STXBP6: variants seen among roughly 807,000 people sequenced by gnomAD.
The protein encoded by STXBP6 is syntaxin-binding protein 6.
In STXBP6, 21 loss-of-function variants were observed where a neutral mutation model predicts 26.9. The ratio of observed to expected loss-of-function variants is 0.78; its 90% confidence interval spans 0.55 to 1.12. The LOEUF is 1.12. STXBP6 is among the 50% of genes most tolerant of loss of function. The pLI is 0.00. For missense variants in STXBP6, 232 were observed against 257.9 expected (o/e 0.90, Z 0.69); for synonymous variants, 97 against 92.6 (o/e 1.05, Z -0.27).
chr14:24,934,761 AT>A (rs1225598775), intron 2 of STXBP6, among the ~76,000 whole-genome samples: 1 of 152,168 alleles, frequency 6.6e-6, no homozygotes, highest in Non-Finnish European at 1.5e-5. Flanking sequence ...AGGAGGAAAA[AT>A]AAGAAGTATA....
chr14:24,814,947 G>C (rs1357616609), intron 5 of STXBP6, among the ~76,000 whole-genome samples: 2 of 152,000 alleles, frequency 1.3e-5, no homozygotes, highest in African/African-American at 4.8e-5. Context: ...AGAATTGTGA[G>C]AAATAAATTT....
At chr14:24,827,733 C>T (rs1166288484) in intron 4 of STXBP6, among the ~76,000 whole-genome samples, 1 of 152,152 alleles carries the variant, frequency 6.6e-6, no homozygotes, top group Admixed American at 6.6e-5. Flanking sequence ...AGTACCTGAT[C>T]ATGCCACTTT....
At chr14:24,895,315 C>G (rs1566453112) in intron 2 of STXBP6, among the ~76,000 whole-genome samples, 1 of 152,132 alleles carries the variant, frequency 6.6e-6, no homozygotes, top group African/African-American at 2.4e-5. Context: ...ACTGTTTATC[C>G]CTGCCTAATT....
intron 4 of STXBP6, among the ~76,000 whole-genome samples, chr14:24,828,216 C>T (rs971974823): frequency 2.6e-5 from 4 of 152,036 alleles, no homozygotes; most frequent in African/African-American, 9.7e-5. Context: ...AAGGATACCT[C>T]TAAAGATGAC....
intron 2 of STXBP6, among the ~76,000 whole-genome samples, chr14:24,870,427 G>GA: frequency 1.3e-5 from 2 of 152,042 alleles, no homozygotes; most frequent in Non-Finnish European, 2.9e-5. Flanking sequence ...TTACATGTAC[G>GA]GTTTGTACTT....
At chr14:25,046,186 A>G (rs1000152915) in intron 1 of STXBP6, among the ~76,000 whole-genome samples, 1 of 152,244 alleles carries the variant, frequency 6.6e-6, no homozygotes, top group Non-Finnish European at 1.5e-5. Context: ...AACAACAGTG[A>G]TAAGAGGCTG....
rs945909452 is a variant in STXBP6 at position 25,005,594 on chromosome 14, C to T, written c.-32-30744G>A. On this transcript the variant is annotated intron_variant, in intron 1 of 5. Transcript: ENST00000323944. The stretch of plus-strand genomic sequence containing the variant: ...TGCTGAGAAAGTTGCAACATTTTCA[C>T]GTGCACACAGAATGCTTACACACAA... Among the ~76,000 whole-genome samples the T allele has an allele frequency of 1.4e-4, 22 of 152,148 alleles. 1 individual carries two copies. Among genetic ancestry groups the T allele is most frequent in the African/African-American group, 5.1e-4 (21 of 41,416 alleles).
At chr14:24,924,348 C>G (rs1473881613) in intron 2 of STXBP6, among the ~76,000 whole-genome samples, 3 of 152,018 alleles carry the variant, frequency 2.0e-5, no homozygotes, top group Non-Finnish European at 2.9e-5. Context: ...AAAAAAAGAC[C>G]AAAACTGAAC....
At chr14:25,013,974 AAG>A (rs1202183571) in intron 1 of STXBP6, among the ~76,000 whole-genome samples, 2 of 152,236 alleles carry the variant, frequency 1.3e-5, no homozygotes, top group African/African-American at 4.8e-5. Flanking sequence ...AGTATTAAAA[AAG>A]AGTCCTTATC....
At chr14:24,869,433 A>G (rs1323935043) in intron 2 of STXBP6, among the ~76,000 whole-genome samples, 2 of 152,172 alleles carry the variant, frequency 1.3e-5, no homozygotes, top group African/African-American at 4.8e-5. Flanking sequence ...ATCATTCCCG[A>G]AATAAATGAT....
intron 1 of STXBP6, among the ~76,000 whole-genome samples, chr14:25,007,750 T>C (rs1348213771): frequency 3.9e-5 from 6 of 152,204 alleles, no homozygotes; most frequent in African/African-American, 1.4e-4. Flanking sequence ...CTGAAGATTT[T>C]GGAATCACAG....
At chr14:24,900,964 G>A (rs952327079) in intron 2 of STXBP6, among the ~76,000 whole-genome samples, 1 of 152,188 alleles carries the variant, frequency 6.6e-6, no homozygotes, top group African/African-American at 2.4e-5. Flanking sequence ...ATTGGAAGGA[G>A]GAGCAATTCT....
At chr14:24,961,483 C>A (rs538003141) in intron 2 of STXBP6, among the ~76,000 whole-genome samples, 1 of 151,286 alleles carries the variant, frequency 6.6e-6, no homozygotes, top group East Asian at 1.9e-4. Context: ...GAATATTATG[C>A]TGCTATAGAA....
chr14:24,866,364 G>A (rs574792148), intron 2 of STXBP6, among the ~76,000 whole-genome samples: 7 of 152,102 alleles, frequency 4.6e-5, no homozygotes, highest in African/African-American at 1.4e-4. Context: ...GTGTGTGGGT[G>A]TATATATATG....
At chr14:24,972,302 G>A (rs1345161269) in intron 2 of STXBP6, among the ~76,000 whole-genome samples, 2 of 152,168 alleles carry the variant, frequency 1.3e-5, no homozygotes, top group Non-Finnish European at 2.9e-5. Context: ...CAGTTATTCC[G>A]TAAGTCCCAG....
intron 4 of STXBP6, among the ~76,000 whole-genome samples, chr14:24,830,675 C>A (rs2138904100): frequency 6.6e-6 from 1 of 152,204 alleles, no homozygotes; most frequent in African/African-American, 2.4e-5. Context: ...ACAGATATTC[C>A]TGTAAGAAGC....
At chr14:24,899,602 G>A (rs1474783644) in intron 2 of STXBP6, among the ~76,000 whole-genome samples, 3 of 151,714 alleles carry the variant, frequency 2.0e-5, no homozygotes, top group South Asian at 2.1e-4. Context: ...CCAACATGAC[G>A]AAACCCCATC....
chr14:24,833,177 T>G (rs889813832), intron 4 of STXBP6, among the ~76,000 whole-genome samples: 1 of 152,194 alleles, frequency 6.6e-6, no homozygotes, highest in African/African-American at 2.4e-5. Flanking sequence ...CTCATGACGT[T>G]GCAGTTACAC....
intron 2 of STXBP6, among the ~76,000 whole-genome samples, chr14:24,964,330 C>T (rs1182901373): frequency 6.6e-6 from 1 of 152,144 alleles, no homozygotes; most frequent in African/African-American, 2.4e-5. Context: ...ATGCTCAGAG[C>T]ACGGTAACTA....
Sources: allele counts gnomAD v4.1 joint callset (sites outside exome capture counted in the v4.1 genomes callset), GRCh38; gene constraint gnomAD v4.1.1; transcripts MANE v1.5; gene names NCBI Gene and HGNC (gene_info 2026-07-23, HGNC 2026-07-21).